The following IL18BP variants were observed in gnomAD, a reference collection of about 807,000 sequenced individuals.
IL18BP encodes the protein interleukin 18 binding protein.
In IL18BP, 23 loss-of-function variants were observed where a neutral mutation model predicts 19.9. That is an observed-to-expected ratio of 1.15 (90% CI 0.83 to 1.64). IL18BP has a LOEUF of 1.64. Among genes scored for constraint, IL18BP ranks in the 40% most tolerant of loss-of-function variants. The pLI, the probability that IL18BP is intolerant of heterozygous loss-of-function variation, is 0.00. For synonymous variants in IL18BP, 107 were observed against 101.0 expected (o/e 1.06, Z -0.35); for missense variants, 239 against 240.7 (o/e 0.99, Z 0.05).
downstream of IL18BP, chr11:72,003,295 G>T (rs1379615550): frequency 1.8e-6 from 1 of 561,982 alleles, no homozygotes; most frequent in East Asian, 2.9e-5. Context: ...AGGAGGCAAG[G>T]TAGGGAGAGC....
chr11:72,001,407 G>C lies in IL18BP; in HGVS notation c.362G>C (p.Arg121Pro). The change falls in exon 5 of 6, where the codon CGG becomes CCG. Residue 121 changes from arginine to proline, a missense_variant and splice_region_variant. Coordinates refer to ENST00000393703, the MANE Select transcript of IL18BP (RefSeq NM_001039660.2). ...PGRLWEGSTS[R>P]ERGSTGTQLC... is the part of the protein sequence containing the mutation. ...CCTTTCCTTCCCTTCCGCTCCAGCC[G>C]GGAACGTGGGAGCACAGGTACGCAG... 6.2e-7 allele frequency: 1 copy of C among 1,614,050 alleles called. No individual in the cohort carries two copies. The highest frequency in any genetic ancestry group is 8.5e-7 in the Non-Finnish European group (1 of 1,179,930).
downstream of IL18BP, chr11:72,004,748 G>T (rs1168214528): frequency 3.1e-6 from 5 of 1,610,660 alleles, no homozygotes; most frequent in Non-Finnish European, 4.2e-6. Flanking sequence ...TGCTGGCTCG[G>T]CGCAGGGTCT....
chr11:72,000,895 T>C (rs1573503), intron 3 of IL18BP, among the ~76,000 whole-genome samples: 141,197 of 152,306 alleles, frequency 0.93, 65,689 homozygotes, highest in Non-Finnish European at 0.98. Context: ...AGCACTGCCT[T>C]TGTCACCTGG....
chr11:72,005,688 C>T, downstream of IL18BP: 2 of 493,056 alleles, frequency 4.1e-6, no homozygotes, highest in South Asian at 5.6e-5. Flanking sequence ...CCAGGGGCTC[C>T]CTGGTGCCCA....
downstream of IL18BP, chr11:72,008,092 C>T (rs1180114838): frequency 4.2e-6 from 2 of 478,184 alleles, no homozygotes; most frequent in Non-Finnish European, 8.4e-6. Context: ...ATAAACCTAC[C>T]TCAGAGGGTT....
downstream of IL18BP, chr11:72,006,060 G>A (rs61745941): frequency 0.03 from 48,922 of 1,613,186 alleles, 822 homozygotes; most frequent in East Asian, 0.064. Context: ...TGGACACCCC[G>A]GCCTGGGAAC....
At chr11:72,007,579 A>C, downstream of IL18BP, 2 of 1,048,588 alleles carry the variant, frequency 1.9e-6, no homozygotes, top group Non-Finnish European at 2.8e-6. Context: ...AGAGGTACCA[A>C]GGAAAGCACT....
chr11:72,007,512 A>G, downstream of IL18BP: 1 of 1,544,992 alleles, frequency 6.5e-7, no homozygotes, highest in South Asian at 1.2e-5. Flanking sequence ...GAAAGTGACC[A>G]TTTCCCATCC....
downstream of IL18BP, chr11:72,007,442 A>G (rs751949071): frequency 2.0e-5 from 33 of 1,612,776 alleles, no homozygotes; most frequent in Non-Finnish European, 2.6e-5. Flanking sequence ...CTTGCTATGG[A>G]AAGGAAACCT....
chr11:72,006,323 C>G (rs1955695036), downstream of IL18BP: 2 of 1,455,712 alleles, frequency 1.4e-6, no homozygotes, highest in South Asian at 2.4e-5. Flanking sequence ...AGAAGCTTCC[C>G]ATTCCCTTCC....
downstream of IL18BP, chr11:72,005,101 ACATGAGAAGGT>A (rs965912719): frequency 9.2e-7 from 1 of 1,084,350 alleles, no homozygotes; most frequent in African/African-American, 1.6e-5. Flanking sequence ...CCACCTGGAA[ACATGAGAAGGT>A]CACCCTCCCC....
chr11:72,003,008 T>TCC, downstream of IL18BP: 1 of 235,216 alleles, frequency 4.3e-6, no homozygotes, highest in Non-Finnish European at 8.4e-6. Flanking sequence ...CTGAAGGCTG[T>TCC]CCCCCAACCC....
chr11:71,999,888 G>A (rs996880370), intron 1 of IL18BP, 39 bp from the exon 2 acceptor site: 41 of 1,256,774 alleles, frequency 3.3e-5, no homozygotes, highest in Non-Finnish European at 4.1e-5. Context: ...GAGAAAAAGC[G>A]GGAGTGGTTT....
chr11:72,003,419 A>G (rs1245361053), downstream of IL18BP: 18 of 1,087,954 alleles, frequency 1.7e-5, no homozygotes, highest in Non-Finnish European at 1.0e-5. Context: ...GGGTTTGGCT[A>G]CTGTTGGCCT....
chr11:71,999,898 T>C (rs1348738947), intron 1 of IL18BP, 29 bp from the exon 2 acceptor site: 1 of 1,430,162 alleles, frequency 7.0e-7, no homozygotes, highest in East Asian at 2.3e-5. Context: ...GGGAGTGGTT[T>C]ACCATTCTCC....
chr11:72,000,324 G>GGCT (rs1955144859), intron 2 of IL18BP, 27 bp from the exon 3 acceptor site: 2 of 1,601,632 alleles, frequency 1.2e-6, no homozygotes, highest in African/African-American at 2.7e-5. Context: ...CTCCAGAGCC[G>GGCT]CTGACCTGTA....
At chr11:72,005,410 C>T (rs372808800), downstream of IL18BP, 66 of 1,589,298 alleles carry the variant, frequency 4.2e-5, no homozygotes, top group Non-Finnish European at 4.8e-5. Context: ...AGCCTGGAGT[C>T]GGCAGGTCAC....
chr11:72,005,122 C>A, downstream of IL18BP: 1 of 1,257,144 alleles, frequency 8.0e-7, no homozygotes, highest in South Asian at 1.5e-5. Context: ...TCACCCTCCC[C>A]CTCCTCGGCC....
downstream of IL18BP, chr11:72,005,623 C>A (rs1955632933): frequency 3.8e-6 from 2 of 521,942 alleles, no homozygotes. Flanking sequence ...TACTCACCTG[C>A]CAAGGCTTGG....
Sources: gnomAD v4.1 joint callset for allele counts (sites outside exome capture counted in the v4.1 genomes callset) on GRCh38, gnomAD v4.1.1 for gene constraint, MANE v1.5 for transcripts, NCBI Gene and HGNC (gene_info 2026-07-23, HGNC 2026-07-21) for gene names.